Variants in TBC1D12 observed in about 807,000 individuals in gnomAD.
TBC1D12 encodes TBC1 domain family, member 12.
In TBC1D12, 56 loss-of-function variants were observed where a neutral mutation model predicts 86.7. The observed-to-expected ratio is 0.65, with a 90% confidence interval of 0.52 to 0.81. The LOEUF (loss-of-function observed/expected upper bound fraction) is 0.81, where lower values mean the gene tolerates loss of function less well. TBC1D12 is among the 30% of genes least tolerant of loss of function. The pLI is 0.00. For synonymous variants in TBC1D12, 421 were observed against 411.7 expected (o/e 1.02, Z -0.27); for missense variants, 1,023 against 1,038.8 (o/e 0.98, Z 0.21).
Position 94,427,833 on chromosome 10 carries a change from CAAAA to C in TBC1D12, c.972-14042_972-14039del, listed in dbSNP as rs71031576. 1.3e-4 allele frequency among the ~76,000 whole-genome samples: 9 copies of C among 67,020 alleles called. No homozygotes were observed. The East Asian group carries it at 3.3e-3, about 24-fold the overall frequency. The allele number at this position is 67,020 out of a possible 152,430, so 44.0% of individuals were successfully genotyped here. The stretch of plus-strand genomic sequence containing the variant: ...GGTGACAAAGTGAGACCCTGTCTCA[CAAAA>C]AAAAAAAAAAAAAAAAAAAAGGAAA... On this transcript the variant is annotated intron_variant, in intron 1 of 12. Coordinates refer to ENST00000225235, the MANE Select transcript of TBC1D12 (RefSeq NM_015188.2).
At chr10:94,439,704 T>C (rs2134087927) in intron 1 of TBC1D12, among the ~76,000 whole-genome samples, 1 of 152,310 alleles carries the variant, frequency 6.6e-6, no homozygotes, top group Non-Finnish European at 1.5e-5. Context: ...GCTTAATAAT[T>C]TCATGTTTGT....
intron 2 of TBC1D12, among the ~76,000 whole-genome samples, chr10:94,461,587 C>T (rs933329585): frequency 3.9e-5 from 6 of 152,170 alleles, no homozygotes; most frequent in African/African-American, 1.2e-4. Flanking sequence ...CTGGGTCCTC[C>T]TGGAGTTTTG....
In TBC1D12 at chr10:94,531,397, G is replaced by A. The variant is rs758616145; in HGVS notation, c.2196G>A (p.Ser732=). ...FLTKLPEDIT[S]EKLFSCIAAI... ...CTAAATTGCCAGAAGATATCACATCGGAAAAGCTGTTCAGTTGTATTGCAG... is the reference window on the plus strand; with the variant it reads ...CTAAATTGCCAGAAGATATCACATCAGAAAAGCTGTTCAGTTGTATTGCAG... The change falls in exon 12 of 13, where the codon TCG becomes TCA. Residue 732 remains serine (S), a synonymous_variant. Coordinates refer to ENST00000225235, the MANE Select transcript of TBC1D12 (RefSeq NM_015188.2). 2.9e-5 allele frequency: 47 copies of A among 1,613,880 alleles called. No individual in the cohort carries two copies. In the East Asian group the frequency reaches 3.3e-4, roughly 11 times the overall value.
intron 1 of TBC1D12, among the ~76,000 whole-genome samples, chr10:94,441,381 T>C (rs2055378821): frequency 6.6e-6 from 1 of 152,128 alleles, no homozygotes; most frequent in Non-Finnish European, 1.5e-5. Flanking sequence ...TTAACTGTTA[T>C]ATAGATTCTT....
intron 1 of TBC1D12, among the ~76,000 whole-genome samples, chr10:94,407,502 C>T (rs748540237): frequency 1.3e-5 from 2 of 152,084 alleles, no homozygotes; most frequent in South Asian, 4.1e-4. Flanking sequence ...GCCAATGTGG[C>T]GAAACCCTGT....
At chr10:94,494,161 A>G (rs1052762375) in intron 4 of TBC1D12, among the ~76,000 whole-genome samples, 5 of 152,104 alleles carry the variant, frequency 3.3e-5, no homozygotes, top group Admixed American at 6.5e-5. Context: ...TTACGTATTC[A>G]TTCATTCTCT....
chr10:94,416,836 G>GA (rs2055005338), intron 1 of TBC1D12, among the ~76,000 whole-genome samples: 2 of 152,110 alleles, frequency 1.3e-5, no homozygotes, highest in Non-Finnish European at 2.9e-5. Context: ...GTTTGGGTTA[G>GA]AATGAGTGTG....
At position 94,510,168 on chromosome 10, in the gene TBC1D12, A is replaced by T. The variant is rs376682556; in HGVS notation, c.1678A>T (p.Ile560Phe). ...ATCCCGTACATTTCCATCTCTCTAC[A>T]TCTTTCAGAAGGTGAGGGTTTCTAA... ...DISRTFPSLY[I>F]FQKGGPYHDV... The change falls in exon 8 of 13, where the codon ATC (isoleucine) becomes TTC (phenylalanine). Residue 560 changes from isoleucine to phenylalanine, a missense_variant. Transcript: ENST00000225235. 4.6e-4 allele frequency: 725 copies of T among 1,593,246 alleles called. 4 individuals are homozygous for T. In the South Asian group the frequency reaches 5.2e-3, roughly 12 times the overall value.
At chr10:94,526,444 A>AAAAG (rs892232284) in intron 11 of TBC1D12, among the ~76,000 whole-genome samples, 1 of 151,922 alleles carries the variant, frequency 6.6e-6, no homozygotes, top group African/African-American at 2.4e-5. Flanking sequence ...AAAAAAAAAA[A>AAAAG]AAAGAAAGAA....
intron 2 of TBC1D12, among the ~76,000 whole-genome samples, chr10:94,462,141 G>T (rs1482166896): frequency 6.6e-6 from 1 of 152,128 alleles, no homozygotes; most frequent in African/African-American, 2.4e-5. Context: ...CTGGTATTGG[G>T]ATAATACAAT....
intron 4 of TBC1D12, among the ~76,000 whole-genome samples, chr10:94,493,740 G>C (rs1424654192): frequency 6.6e-6 from 1 of 151,932 alleles, no homozygotes; most frequent in East Asian, 1.9e-4. Flanking sequence ...TGTTTGTAGA[G>C]ATGAGGTTTT....
At position 94,511,627 on chromosome 10, in the gene TBC1D12, C is replaced by T; in HGVS notation, c.1734C>T (p.Tyr578=). ...HDVLHSILGA[Y]TCYRPDVGYV... is the part of the protein sequence containing the mutation. ...TCTTGCATAGTATTTTAGGGGCATA[C>T]ACATGCTACAGGCCTGATGTTGGTT... The change falls in exon 9 of 13, where the codon TAC becomes TAT. Residue 578 remains tyrosine, a synonymous_variant. Coordinates refer to ENST00000225235, the MANE Select transcript of TBC1D12 (RefSeq NM_015188.2). 6.2e-7 allele frequency: 1 copy of T among 1,612,990 alleles called. No individual in the cohort carries two copies. The highest frequency in any genetic ancestry group is 8.5e-7 in the Non-Finnish European group (1 of 1,179,284).
intron 11 of TBC1D12, among the ~76,000 whole-genome samples, chr10:94,523,720 TG>T (rs1842214312): frequency 6.6e-6 from 1 of 152,018 alleles, no homozygotes. Flanking sequence ...CCCAGCACTT[TG>T]GGAGGCCAAG....
At chr10:94,517,378 AAAAC>A (rs780495789) in intron 9 of TBC1D12, among the ~76,000 whole-genome samples, 2 of 152,224 alleles carry the variant, frequency 1.3e-5, no homozygotes, top group Admixed American at 1.3e-4. Context: ...ACTCTGTCTC[AAAAC>A]AAACAAACAA....
rs1842503621 is a variant in TBC1D12, at chr10:94,534,377, A to G, written c.*1281A>G. ...TAGTCTAGATAGTGACTCTTTGGAA[A>G]ATTGGTAGCCTCTGAATGAGTTATC... On this transcript the variant is annotated 3_prime_UTR_variant, in exon 13 of 13. Coordinates refer to ENST00000225235, the MANE Select transcript of TBC1D12 (RefSeq NM_015188.2). 1 of 152,166 alleles carries G rather than the reference A, an allele frequency of 6.6e-6. No individual in the cohort carries two copies. The highest frequency in any genetic ancestry group is 2.4e-5 in the African/African-American group (1 of 41,442). 9.4% of individuals were successfully genotyped at this position (152,166 alleles called of 1,614,324 possible).
intron 3 of TBC1D12, among the ~76,000 whole-genome samples, chr10:94,490,596 A>G (rs1420611646): frequency 6.6e-6 from 1 of 152,086 alleles, no homozygotes; most frequent in Non-Finnish European, 1.5e-5. Context: ...AATGTCAGAC[A>G]TTGTGGTTTA....
chr10:94,436,272 A>C (rs2055295385), intron 1 of TBC1D12, among the ~76,000 whole-genome samples: 1 of 151,738 alleles, frequency 6.6e-6, no homozygotes, highest in African/African-American at 2.4e-5. Context: ...AGTAGCTGTG[A>C]CTACAGGCGC....
chr10:94,440,375 C>T (rs1397333871), intron 1 of TBC1D12, among the ~76,000 whole-genome samples: 5 of 151,998 alleles, frequency 3.3e-5, no homozygotes, highest in African/African-American at 1.2e-4. Flanking sequence ...CAGGGTCTCA[C>T]TACATTGCCC....
In TBC1D12 at chr10:94,403,094, C is replaced by T. The variant is rs1236295470; in HGVS notation, c.481C>T (p.Arg161Trp). 2.1e-6 allele frequency: 3 copies of T among 1,407,516 alleles called. No homozygotes were observed. The highest frequency in any genetic ancestry group is 2.8e-6 in the Non-Finnish European group (3 of 1,085,484). 87.2% of individuals were successfully genotyped at this position (1,407,516 alleles called of 1,614,324 possible). A position where few individuals can be genotyped will look rare whatever the true frequency, so the allele number is the denominator to read the frequency against. ...EARGLARAGG[R>W]ESRRRRPYGR... is the part of the protein sequence containing the mutation. ...TCGCGGGCTGGCGCGCGCCGGCGGC[C>T]GGGAGTCGCGCCGCCGCCGCCCCTA... The change falls in exon 1 of 13, where the codon CGG becomes TGG. Residue 161 changes from arginine (R) to tryptophan (W), a missense_variant. Physicochemically the swap from Arg to Trp is moderately radical, Grantham distance 101 (BLOSUM62 -3). Coordinates refer to ENST00000225235, the MANE Select transcript of TBC1D12 (RefSeq NM_015188.2).
Sources: allele counts gnomAD v4.1 joint callset (sites outside exome capture counted in the v4.1 genomes callset), GRCh38; gene constraint gnomAD v4.1.1; transcripts MANE v1.5; gene names NCBI Gene and HGNC (gene_info 2026-07-23, HGNC 2026-07-21).